The following FBXW4 variants were observed in gnomAD, a reference collection of about 807,000 sequenced individuals.
The protein encoded by FBXW4 is F-box and WD repeat domain containing 4, also known as F-box/WD repeat-containing protein 4.
FBXW4 carries 40 observed loss-of-function variants against 61.8 expected under a neutral mutation model. The ratio of observed to expected loss-of-function variants is 0.65; its 90% CI spans 0.50 to 0.84. The LOEUF is 0.84. Ranked by LOEUF, FBXW4 falls within the 40% of genes least tolerant of loss-of-function variation. The probability of loss-of-function intolerance (pLI) is 0.00; values close to 1 mark genes in which losing one functional copy is unlikely to be tolerated. For synonymous variants in FBXW4, 311 were observed against 313.8 expected (o/e 0.99, Z 0.10); for missense variants, 672 against 753.8 (o/e 0.89, Z 1.27).
chr10:101,611,015 T>C lies in FBXW4; in HGVS notation c.*276A>G, dbSNP rs2063776387. The stretch of plus-strand genomic sequence containing the variant: ...GGATGGGCCTCTCCAGGCCAGATCC[T>C]TGCTCTGGCCAAACAGGGACGCAAG... On this transcript the variant is annotated 3_prime_UTR_variant, in exon 9 of 9. Transcript: ENST00000331272. This position sits in a 1 kb window ranked among gnomAD's most constrained non-coding sequence, Gnocchi z 4.9. 1 of 343,248 alleles carries C rather than the reference T, an allele frequency of 2.9e-6. No individual in the cohort carries two copies. Among genetic ancestry groups the C allele is most frequent in the Non-Finnish European group, 5.4e-6 (1 of 183,724 alleles). The allele number at this position is 343,248 out of a possible 1,614,324, so 21.3% of individuals were successfully genotyped here.
At chr10:101,664,929 G>T (rs922086325) in intron 5 of FBXW4, among the ~76,000 whole-genome samples, 1 of 152,144 alleles carries the variant, frequency 6.6e-6, no homozygotes, top group African/African-American at 2.4e-5. Flanking sequence ...GGTCTGTAAA[G>T]GAAATAGTAT....
chr10:101,639,093 G>A (rs2064028678), intron 5 of FBXW4, among the ~76,000 whole-genome samples: 1 of 152,230 alleles, frequency 6.6e-6, no homozygotes, highest in South Asian at 2.1e-4. Flanking sequence ...ACTCCCTGCA[G>A]TTTAATCCCA....
At chr10:101,657,818 T>C (rs11594390) in intron 5 of FBXW4, among the ~76,000 whole-genome samples, 110,138 of 152,004 alleles carry the variant, frequency 0.72, 40,240 homozygotes, top group East Asian at 0.96. Context: ...ATGTATTCTT[T>C]ATTGTCATCA....
rs2064079101 is a variant in FBXW4, at chr10:101,644,392, A to C, written c.1236-19582T>G. On this transcript the variant is annotated intron_variant, in intron 5 of 8. Coordinates refer to ENST00000331272, the MANE Select transcript of FBXW4 (RefSeq NM_022039.4). ...CAATCTGCATCTTCCAAACAGGGTC[A>C]GTAGGCCAAATAGCTTTCTGGGAAG... Among the ~76,000 whole-genome samples the C allele has an allele frequency of 2.0e-5, 3 of 152,224 alleles. No homozygotes were observed. In the South Asian group the frequency reaches 6.2e-4, roughly 31 times the overall value.
intron 1 of FBXW4, among the ~76,000 whole-genome samples, chr10:101,690,796 A>G (rs2064591028): frequency 6.6e-6 from 1 of 152,154 alleles, no homozygotes; most frequent in African/African-American, 2.4e-5. Flanking sequence ...GTTTCCAAAA[A>G]CATTCAGGAC....
intron 5 of FBXW4, among the ~76,000 whole-genome samples, chr10:101,636,809 G>A (rs544765586): frequency 1.4e-3 from 220 of 151,974 alleles, no homozygotes; most frequent in African/African-American, 5.0e-3. Flanking sequence ...GGCTGGTCCC[G>A]AACTCCTGAC....
intron 1 of FBXW4, among the ~76,000 whole-genome samples, chr10:101,687,265 C>T (rs981343317): frequency 2.0e-5 from 3 of 152,116 alleles, no homozygotes; most frequent in Admixed American, 6.6e-5. Flanking sequence ...TATAATACCC[C>T]CTTCGGACTG....
intron 5 of FBXW4, among the ~76,000 whole-genome samples, chr10:101,662,892 A>G (rs1447488598): frequency 6.6e-6 from 1 of 152,164 alleles, no homozygotes. Flanking sequence ...TACCTGAGTG[A>G]GCCCAAGCCT....
chr10:101,667,876 T>A lies in FBXW4; in HGVS notation c.1235+10A>T. ...CAGGACAAAACCACATCCAAATATG[T>A]CTCCCTTACCTGAGTAATGGGCTGA... On this transcript the variant is annotated intron_variant, in intron 5 of 8. Transcript: ENST00000331272. 6.2e-7 allele frequency: 1 copy of A among 1,609,298 alleles called. No individual in the cohort carries two copies. The highest frequency in any genetic ancestry group is 8.5e-7 in the Non-Finnish European group (1 of 1,175,634).
rs555342988 is a variant in FBXW4 at position 101,642,655 on chromosome 10, C to T, written c.1236-17845G>A. Among the ~76,000 whole-genome samples the T allele has an allele frequency of 1.1e-4, 17 of 152,322 alleles. No homozygotes were observed. The South Asian group carries it at 3.5e-3, about 32-fold the overall frequency. On this transcript the variant is annotated intron_variant, in intron 5 of 8. Transcript: ENST00000331272. ...GCCAGTCTGTAGGCACCAAATTCTA[C>T]CTCTGAAGCCTCCTTGGTAGGCAAA...
chr10:101,676,247 T>C (rs1391719166), intron 2 of FBXW4, 94 bp downstream of exon 2: 12 of 911,052 alleles, frequency 1.3e-5, no homozygotes, highest in Admixed American at 4.2e-5. Flanking sequence ...CCACCCAAGA[T>C]AGCCCCATTA....
intron 3 of FBXW4, 126 bp from the exon 4 acceptor site, chr10:101,673,173 C>CA: frequency 1.7e-6 from 2 of 1,201,228 alleles, no homozygotes; most frequent in Non-Finnish European, 2.3e-6. Flanking sequence ...GACAATTCAG[C>CA]CCAGTAAGGT....
intron 5 of FBXW4, among the ~76,000 whole-genome samples, chr10:101,631,655 T>C (rs1428196532): frequency 2.0e-5 from 3 of 148,718 alleles, no homozygotes; most frequent in Non-Finnish European, 4.5e-5. Context: ...TGAGACAGAG[T>C]CTCGCTCTGT....
intron 1 of FBXW4, among the ~76,000 whole-genome samples, chr10:101,686,978 T>C (rs1049053421): frequency 6.6e-6 from 1 of 151,994 alleles, no homozygotes; most frequent in African/African-American, 2.4e-5. Context: ...CAAAGAAACA[T>C]GGGAGGTCAA....
intron 2 of FBXW4, among the ~76,000 whole-genome samples, chr10:101,674,320 C>A (rs1256673390): frequency 3.7e-5 from 4 of 107,730 alleles, no homozygotes; most frequent in Non-Finnish European, 7.7e-5. Context: ...CAGAGGGAGA[C>A]TGTCTCAAAA....
chr10:101,686,631 A>G (rs2134917601), intron 1 of FBXW4, among the ~76,000 whole-genome samples: 1 of 152,244 alleles, frequency 6.6e-6, no homozygotes, highest in South Asian at 2.1e-4. Context: ...AAATAATTAC[A>G]CTGCTCTGCT....
intron 5 of FBXW4, among the ~76,000 whole-genome samples, chr10:101,644,895 G>A (rs1206503848): frequency 6.6e-6 from 1 of 152,120 alleles, no homozygotes; most frequent in African/African-American, 2.4e-5. Flanking sequence ...CACATACAGA[G>A]GAGTCTCTGA....
At chr10:101,661,063 CACTAG>C (rs2064238456) in intron 5 of FBXW4, among the ~76,000 whole-genome samples, 1 of 152,188 alleles carries the variant, frequency 6.6e-6, no homozygotes, top group Non-Finnish European at 1.5e-5. Flanking sequence ...AGAATTTAAA[CACTAG>C]ACTGAGGGAT....
At chr10:101,636,311 T>C (rs761278553) in intron 5 of FBXW4, among the ~76,000 whole-genome samples, 4 of 151,312 alleles carry the variant, frequency 2.6e-5, no homozygotes, top group African/African-American at 4.9e-5. Flanking sequence ...AAGATTGAGA[T>C]TGAGCCACTG....
Sources: allele counts gnomAD v4.1 joint callset (sites outside exome capture counted in the v4.1 genomes callset), GRCh38; gene constraint gnomAD v4.1.1; non-coding constraint Gnocchi (gnomAD v3.1); transcripts MANE v1.5; gene names NCBI Gene and HGNC (gene_info 2026-07-23, HGNC 2026-07-21).